Variants in SARAF observed in about 807,000 individuals in gnomAD.
SARAF encodes store-operated calcium entry associated regulatory factor.
Under a neutral mutation model 39.7 loss-of-function variants are expected in SARAF, and 23 were observed. That is an observed-to-expected ratio of 0.58 (90% CI 0.42 to 0.82). SARAF has a LOEUF of 0.82. Among genes scored for constraint, SARAF ranks in the 40% least tolerant of loss-of-function variants. The probability of loss-of-function intolerance (pLI) is 0.00; values close to 1 mark genes in which losing one functional copy is unlikely to be tolerated. For synonymous variants in SARAF, 175 were observed against 168.5 expected (o/e 1.04, Z -0.30); for missense variants, 384 against 418.5 (o/e 0.92, Z 0.72).
At chr8:30,081,518 T>G (rs1802097132) in intron 1 of SARAF, among the ~76,000 whole-genome samples, 1 of 152,232 alleles carries the variant, frequency 6.6e-6, no homozygotes, top group Non-Finnish European at 1.5e-5. Context: ...CTTTTTATTT[T>G]TGGTAATAAA....
At chr8:30,082,758 A>T in intron 1 of SARAF, 89 bp downstream of exon 1, 1 of 1,060,586 alleles carries the variant, frequency 9.4e-7, no homozygotes, top group Non-Finnish European at 1.3e-6. Flanking sequence ...CTCCGGGAAG[A>T]CGGCGCACGG....
intron 1 of SARAF, among the ~76,000 whole-genome samples, chr8:30,076,120 TCTAACTCCCTCTTC>T (rs887693767): frequency 8.6e-5 from 13 of 152,024 alleles, no homozygotes; most frequent in Non-Finnish European, 1.9e-4. Flanking sequence ...TCCACACTGT[TCTAACTCCCTCTTC>T]CCCACTAAGG....
chr8:30,064,561 A>ATATATATATATATATATTTTTTTTT, intron 5 of SARAF, among the ~76,000 whole-genome samples: 1 of 46,234 alleles, frequency 2.2e-5, no homozygotes, highest in Non-Finnish European at 3.4e-5. Context: ...ATATATATAT[A>ATATATATATATATATATTTTTTTTT]TTTTTTTTTT....
At chr8:30,082,327 G>A (rs1455371148) in intron 1 of SARAF, 1 of 92,682 alleles carries the variant, frequency 1.1e-5, no homozygotes, top group African/African-American at 4.0e-5. Flanking sequence ...GACAATGTGA[G>A]ACTCCGACTC....
At chr8:30,083,104 C>T (rs150539014), upstream of SARAF, 680 of 546,912 alleles carry the variant, frequency 1.2e-3, 4 homozygotes, top group African/African-American at 0.012. Context: ...ATCCGTGCGC[C>T]AACCCTACGT....
intron 5 of SARAF, among the ~76,000 whole-genome samples, chr8:30,064,375 A>G (rs1411735935): frequency 2.0e-5 from 3 of 151,674 alleles, no homozygotes; most frequent in African/African-American, 4.9e-5. Flanking sequence ...AAATCTTCCT[A>G]TCTAGAAAGT....
intron 1 of SARAF, among the ~76,000 whole-genome samples, chr8:30,076,451 T>C (rs935494089): frequency 2.0e-5 from 3 of 152,226 alleles, no homozygotes; most frequent in Non-Finnish European, 4.4e-5. Flanking sequence ...GGTCACCCTG[T>C]TGTGAAGTTC....
rs768601758 is a variant in SARAF, at chr8:30,066,041, G to A, written c.941C>T (p.Ser314Leu). The A allele has an allele frequency of 1.0e-4, 163 of 1,613,968 alleles. No individual in the cohort carries two copies. Among genetic ancestry groups the A allele is most frequent in the South Asian group, 2.0e-4 (18 of 91,088 alleles). The change falls in exon 5 of 6, where the codon TCG (serine) becomes TTG (leucine). Residue 314 changes from serine (S) to leucine (L), a missense_variant. Coordinates refer to ENST00000256255, the MANE Select transcript of SARAF (RefSeq NM_016127.6). The part of the protein sequence containing the change: ...NRAYSPLHGG[S>L]GSYSVCSNSD... ...GTTTGAACATACCGAATAGCTGCCC[G>A]AGCCTCCATGAAGGGGTGAGTAAGC...
intron 2 of SARAF, among the ~76,000 whole-genome samples, chr8:30,070,468 G>A (rs1184550810): frequency 1.3e-5 from 2 of 152,162 alleles, no homozygotes; most frequent in Non-Finnish European, 2.9e-5. Flanking sequence ...TGAAGCAAGG[G>A]AATGATCCGC....
chr8:30,082,849 G>A lies in SARAF; in HGVS notation c.101C>T (p.Pro34Leu), dbSNP rs1802140141. 2.6e-6 allele frequency: 4 copies of A among 1,546,432 alleles called. No homozygotes were observed. Among genetic ancestry groups the A allele is most frequent in the South Asian group, 2.4e-5 (2 of 83,538 alleles). The change falls in exon 1 of 6, where the codon CCT (proline) becomes CTT (leucine). Residue 34 changes from proline (P) to leucine (L), a missense_variant and splice_region_variant. Transcript: ENST00000256255. The stretch of plus-strand genomic sequence containing the variant: ...CTGAGGGCCCTGGCAGCACTCACCA[G>A]GGTCGTTCCAGCCCAGGGCAGGGCC... Reference protein sequence around the residue: ...TAGPALGWNDPDRMLLRDVKA... With the variant: ...TAGPALGWNDLDRMLLRDVKA...
rs1447504996 is a variant in SARAF at position 30,073,958 on chromosome 8, A to G, written c.201T>C (p.Val67=). The G allele has an allele frequency of 6.2e-7, 1 of 1,614,068 alleles. No individual in the cohort carries two copies. The highest frequency in any genetic ancestry group is 1.1e-5 in the South Asian group (1 of 91,090). Residue 67 remains valine (V), a synonymous_variant, in exon 2 of 6, where the codon GTT becomes GTC. Coordinates refer to ENST00000256255, the MANE Select transcript of SARAF (RefSeq NM_016127.6). The part of the protein sequence containing the change: ...RLDPIPQLKC[V]GGTAGCDSYT... ...AAGAATCACAACCAGCTGTGCCTCC[A>G]ACACATTTCAACTGTGGGATGGGAT...
chr8:30,066,904 C>T lies in SARAF; in HGVS notation c.715G>A (p.Gly239Ser). 6 of 1,614,100 alleles carry T rather than the reference C, an allele frequency of 3.7e-6. No homozygotes were observed. The highest frequency in any genetic ancestry group is 5.1e-6 in the Non-Finnish European group (6 of 1,179,992). ...CCAAAACCAGAAGTTGCACCATGGCCAGTATTCTGTGGTCCTTAAAATAAA... is the reference window on the plus strand; with the variant it reads ...CCAAAACCAGAAGTTGCACCATGGCTAGTATTCTGTGGTCCTTAAAATAAA... ...KSEFTGPQNTGHGATSGFGSA... is the reference protein window; with the variant it reads ...KSEFTGPQNTSHGATSGFGSA... Residue 239 changes from glycine to serine, a missense_variant, in exon 4 of 6, where the codon GGC (glycine) becomes AGC (serine). Coordinates refer to ENST00000256255, the MANE Select transcript of SARAF (RefSeq NM_016127.6).
intron 1 of SARAF, among the ~76,000 whole-genome samples, chr8:30,078,710 T>TA (rs756107734): frequency 1.4e-4 from 22 of 152,234 alleles, no homozygotes; most frequent in East Asian, 7.7e-4. Context: ...CCTATCTATA[T>TA]AAAAAATATA....
intron 3 of SARAF, chr8:30,067,125 G>A (rs1801708725): frequency 3.5e-6 from 2 of 570,142 alleles, no homozygotes; most frequent in African/African-American, 3.8e-5. Flanking sequence ...TATGGGAGGA[G>A]AGGGATAGAT....
chr8:30,066,280 G>T, intron 4 of SARAF, 141 bp from the exon 5 acceptor site: 1 of 908,090 alleles, frequency 1.1e-6, no homozygotes, highest in Non-Finnish European at 1.6e-6. Flanking sequence ...GAGTTAACAT[G>T]AAATAAAAAC....
At chr8:30,067,282 CT>C (rs796193249) in intron 3 of SARAF, among the ~76,000 whole-genome samples, 59 of 152,268 alleles carry the variant, frequency 3.9e-4, no homozygotes, top group African/African-American at 1.3e-3. Flanking sequence ...AGAGCTGTGC[CT>C]CAGTCTCTAA....
At position 30,072,715 on chromosome 8, in the gene SARAF, C is replaced by T. The variant is rs1801875133; in HGVS notation, c.282+1162G>A. On this transcript the variant is annotated intron_variant, in intron 2 of 5. Transcript: ENST00000256255. ...ATAAGCCAATGTATGATATGCTCAA[C>T]ACTCCTTTGCTCATGCTATTCCCTT... 2.0e-5 allele frequency among the ~76,000 whole-genome samples: 3 copies of T among 152,318 alleles called. No homozygotes were observed. In the South Asian group the frequency reaches 6.2e-4, roughly 32 times the overall value.
rs1801605593 is a variant in SARAF, at chr8:30,063,634, C to T, written c.*254G>A. ...AGAAATTAATGTATTTTTAGCATTC[C>T]ACAGTAATGATCACTTTCAAAAACT... On this transcript the variant is annotated 3_prime_UTR_variant, in exon 6 of 6. Coordinates refer to ENST00000256255, the MANE Select transcript of SARAF (RefSeq NM_016127.6). 5.8e-6 allele frequency: 3 copies of T among 521,420 alleles called. No homozygotes were observed. The highest frequency in any genetic ancestry group is 7.3e-5 in the Admixed American group (2 of 27,520). 32.3% of individuals were successfully genotyped at this position (521,420 alleles called of 1,614,324 possible). A position where few individuals can be genotyped will look rare whatever the true frequency, so the allele number is the denominator to read the frequency against.
intron 1 of SARAF, 90 bp from the exon 2 acceptor site, chr8:30,074,145 T>C (rs1801906436): frequency 1.4e-6 from 2 of 1,379,654 alleles, no homozygotes; most frequent in Non-Finnish European, 2.0e-6. Context: ...TCATAGGAAA[T>C]GCCTTTCTTG....
Sources: allele counts gnomAD v4.1 joint callset (sites outside exome capture counted in the v4.1 genomes callset), GRCh38; gene constraint gnomAD v4.1.1; transcripts MANE v1.5; gene names NCBI Gene and HGNC (gene_info 2026-07-23, HGNC 2026-07-21).